The following GTPBP6 variants were observed in gnomAD, a reference collection of about 807,000 sequenced individuals.
GTPBP6 encodes putative GTP-binding protein 6.
GTPBP6 carries 33 observed loss-of-function variants against 28.9 expected under a neutral mutation model. That is an observed-to-expected ratio of 1.14 (90% confidence interval 0.87 to 1.53). The LOEUF (loss-of-function observed/expected upper bound fraction) is 1.53. Ranked by LOEUF, GTPBP6 falls within the 40% of genes most tolerant of loss-of-function variation. The pLI, the probability that GTPBP6 is intolerant of heterozygous loss-of-function variation, is 0.00. For synonymous variants in GTPBP6, 231 were observed against 192.7 expected (o/e 1.20, Z -1.65); for missense variants, 507 against 408.3 (o/e 1.24, Z -2.08).
At chrX:311,470 C>G in exon 7 of GTPBP6, 1 of 1,612,054 alleles carries the variant, frequency 6.2e-7, no homozygotes, top group South Asian at 1.1e-5. Context: ...TGAGGCCGTG[C>G]GGCAGCTGGG....
rs370107789 is a variant in GTPBP6 at position 307,740 on chromosome X, G to A, written c.1266C>T (p.Leu422=). The change falls in exon 8 of 10, where the codon CTC becomes CTT. Residue 422 remains leucine, a synonymous_variant. Transcript: ENST00000326153. ...CCCAGGGCCGGACTCACCCGGGCAC[G>A]AGGTCCACCTTGTTGTGAACCTCCA... 5.5e-5 allele frequency: 82 copies of A among 1,484,712 alleles called. 1 individual carries two copies. The highest frequency in any genetic ancestry group is 5.1e-4 in the South Asian group (37 of 73,104). 92.0% of individuals were successfully genotyped at this position (1,484,712 alleles called of 1,614,324 possible). A position where few individuals can be genotyped will look rare whatever the true frequency, so the allele number is the denominator to read the frequency against.
intron 7 of GTPBP6, among the ~76,000 whole-genome samples, chrX:309,503 G>A (rs2070240968): frequency 6.6e-6 from 1 of 152,192 alleles, no homozygotes; most frequent in Admixed American, 6.5e-5. Flanking sequence ...CAGAAGAGAA[G>A]GGGACCTTGC....
chrX:306,995 ATTT>A (rs1456184929), intron 9 of GTPBP6, among the ~76,000 whole-genome samples: 1 of 150,618 alleles, frequency 6.6e-6, no homozygotes, highest in East Asian at 2.0e-4. Flanking sequence ...AGAAATGTAC[ATTT>A]TGACTGTCAA....
At chrX:311,623 C>T in exon 7 of GTPBP6, 3 of 1,611,548 alleles carry the variant, frequency 1.9e-6, no homozygotes, top group Non-Finnish European at 1.7e-6. Context: ...TCAGCGTGGT[C>T]TTTCCTAGGA....
chrX:312,662 G>C (rs184538417), intron 6 of GTPBP6, 104 bp downstream of exon 6: 1 of 1,207,646 alleles, frequency 8.3e-7, no homozygotes, highest in Non-Finnish European at 1.2e-6. Flanking sequence ...CGCAGCTGTC[G>C]TACGGCACCA....
At position 316,289 on chromosome X, in the gene GTPBP6, C is replaced by T. The variant is rs1198804920; in HGVS notation, c.487+625G>A. 2.6e-5 allele frequency among the ~76,000 whole-genome samples: 3 copies of T among 114,358 alleles called. No individual in the cohort carries two copies. In the Admixed American group the frequency reaches 2.8e-4, roughly 11 times the overall value. 75.0% of individuals were successfully genotyped at this position (114,358 alleles called of 152,430 possible). On this transcript the variant is annotated intron_variant, in intron 2 of 9. Coordinates refer to ENST00000326153, the Ensembl canonical transcript of GTPBP6. ...CAGACACACACACAGTAAATACATC[C>T]CGACAGGGACAGACACACACACACA...
At chrX:312,683 A>G (rs781080879) in intron 6 of GTPBP6, 83 bp downstream of exon 6, 2 of 1,392,726 alleles carry the variant, frequency 1.4e-6, no homozygotes, top group South Asian at 1.2e-5. Flanking sequence ...CTGAGACGAC[A>G]GGGACCCCCT....
chrX:318,398 T>G (rs1404813568), intron 1 of GTPBP6, 41 bp downstream of exon 1: 61 of 355,542 alleles, frequency 1.7e-4, no homozygotes, highest in Non-Finnish European at 2.7e-4. Flanking sequence ...CCCCCAGGTC[T>G]CCAGCTCCTG....
intron 6 of GTPBP6, chrX:311,926 T>G: frequency 1.7e-6 from 1 of 577,236 alleles, no homozygotes; most frequent in Non-Finnish European, 3.1e-6. Flanking sequence ...GATTTGGCAA[T>G]GGCGTAGATG....
intron 3 of GTPBP6, 42 bp from the exon 4 acceptor site, chrX:315,062 C>T (rs1207249174): frequency 1.5e-5 from 6 of 398,628 alleles, no homozygotes; most frequent in East Asian, 3.6e-5. Flanking sequence ...GGGGGAAGGC[C>T]GGGCCCTGGT....
chrX:307,346 T>C lies in GTPBP6; in HGVS notation c.1427+14A>G. 6.2e-7 allele frequency: 1 copy of C among 1,610,816 alleles called. No homozygotes were observed. The highest frequency in any genetic ancestry group is 2.2e-5 in the East Asian group (1 of 44,874). On this transcript the variant is annotated intron_variant, in intron 9 of 9. Transcript: ENST00000326153. ...AAAGCACCATCCCGTCTCCTGCCCC[T>C]GCAGGCCGCTCACCTGAGCTGCGCC...
intron 9 of GTPBP6, among the ~76,000 whole-genome samples, chrX:305,638 T>A (rs1431174761): frequency 1.5e-4 from 22 of 148,626 alleles, no homozygotes; most frequent in African/African-American, 2.3e-4. Context: ...TTTTATTTTT[T>A]TTTTTGAGAC....
At chrX:311,280 C>CA in intron 7 of GTPBP6, 139 bp downstream of exon 7, 1 of 325,684 alleles carries the variant, frequency 3.1e-6, no homozygotes, top group African/African-American at 4.9e-5. Context: ...GGCCCCTGGG[C>CA]TGAGTGGGTG....
At chrX:308,021 G>A (rs964147589) in intron 7 of GTPBP6, 141 bp from the exon 8 acceptor site, 51 of 641,590 alleles carry the variant, frequency 7.9e-5, no homozygotes, top group South Asian at 1.4e-4. Flanking sequence ...CAGGCCCCTC[G>A]GACACCCCAG....
exon 8 of GTPBP6, chrX:307,809 C>G: frequency 6.4e-7 from 1 of 1,555,290 alleles, no homozygotes; most frequent in Non-Finnish European, 8.7e-7. Context: ...GGCCACGCAG[C>G]GTGGACAGAA....
At chrX:318,268 G>T (rs1377187862) in intron 1 of GTPBP6, among the ~76,000 whole-genome samples, 171 bp downstream of exon 1, 3 of 137,548 alleles carry the variant, frequency 2.2e-5, no homozygotes, top group Non-Finnish European at 4.7e-5. Flanking sequence ...CCGCCCTTGC[G>T]CCTCCACCTA....
At chrX:305,808 T>C (rs1354006408) in intron 9 of GTPBP6, among the ~76,000 whole-genome samples, 1 of 151,744 alleles carries the variant, frequency 6.6e-6, no homozygotes, top group Non-Finnish European at 1.5e-5. Flanking sequence ...GTATTTTTAT[T>C]AGAGACGGGG....
chrX:316,742 C>T (rs1406509919), intron 2 of GTPBP6, among the ~76,000 whole-genome samples, 172 bp downstream of exon 2: 4 of 152,110 alleles, frequency 2.6e-5, no homozygotes, highest in Admixed American at 2.6e-4. Flanking sequence ...AAAGCCTCAC[C>T]GTCCTCCGAC....
exon 10 of GTPBP6, chrX:305,083 A>G: frequency 6.2e-7 from 1 of 1,613,076 alleles, no homozygotes; most frequent in Non-Finnish European, 8.5e-7. Context: ...TTCATCCTGG[A>G]AAGAGCTTCC....
Sources: gnomAD v4.1 joint callset for allele counts (sites outside exome capture counted in the v4.1 genomes callset) on GRCh38, gnomAD v4.1.1 for gene constraint, MANE v1.5 for transcripts, NCBI Gene and HGNC (gene_info 2026-07-23, HGNC 2026-07-21) for gene names.